ZFHX3: variants seen among roughly 807,000 people sequenced by gnomAD.
ZFHX3 encodes the protein zinc finger homeobox protein 3.
ZFHX3 carries 42 observed loss-of-function variants against 279.1 expected under a neutral mutation model. That is an observed-to-expected ratio of 0.15 (90% CI 0.12 to 0.19). The LOEUF (loss-of-function observed/expected upper bound fraction) is 0.19. ZFHX3 is among the 10% of genes least tolerant of loss of function. The pLI is 1.00. For missense variants in ZFHX3, 4,981 were observed against 4,754.0 expected (o/e 1.05, Z -1.40); for synonymous variants, 2,293 against 1,957.8 (o/e 1.17, Z -4.52).
intron 3 of ZFHX3, among the ~76,000 whole-genome samples, chr16:72,902,982 T>A (rs992722114): frequency 1.3e-5 from 2 of 152,102 alleles, no homozygotes; most frequent in Admixed American, 1.3e-4. Flanking sequence ...TCCTTCCAGA[T>A]GAGGATGTGG....
chr16:73,241,253 A>G (rs1251325568), intron 5 of ZFHX3, among the ~76,000 whole-genome samples: 3 of 152,348 alleles, frequency 2.0e-5, no homozygotes, highest in Middle Eastern at 6.8e-3. Context: ...TTTTTGAGTT[A>G]TACCATCATG....
intron 2 of ZFHX3, among the ~76,000 whole-genome samples, chr16:73,530,177 A>G (rs2019773603): frequency 1.3e-5 from 2 of 152,164 alleles, no homozygotes; most frequent in South Asian, 4.1e-4. Context: ...AAGAGAGAGA[A>G]TGAGAACCAA....
intron 1 of ZFHX3, among the ~76,000 whole-genome samples, chr16:73,682,999 G>GA (rs2053041780): frequency 2.4e-5 from 2 of 84,390 alleles, no homozygotes; most frequent in African/African-American, 3.1e-5. Flanking sequence ...AGAAAAGAAA[G>GA]AAAGAAAGAA....
At chr16:73,741,598 G>C (rs145682165) in intron 1 of ZFHX3, among the ~76,000 whole-genome samples, 4 of 152,174 alleles carry the variant, frequency 2.6e-5, no homozygotes, top group Non-Finnish European at 5.9e-5. Context: ...TCTTTCAACA[G>C]CCTTGGACTC....
intron 3 of ZFHX3, among the ~76,000 whole-genome samples, chr16:73,448,457 T>C (rs933370585): frequency 2.0e-5 from 3 of 151,838 alleles, no homozygotes; most frequent in African/African-American, 7.3e-5. Flanking sequence ...AACTAATAAA[T>C]AAATTAGCAC....
chr16:72,910,391 G>A (rs558218666), intron 3 of ZFHX3, among the ~76,000 whole-genome samples: 2 of 152,166 alleles, frequency 1.3e-5, no homozygotes, highest in Non-Finnish European at 2.9e-5. Flanking sequence ...AAGAGCTGAC[G>A]CTAGGACATC....
chr16:73,487,652 A>T (rs2018998023), intron 2 of ZFHX3: 2 of 237,106 alleles, frequency 8.4e-6, no homozygotes, highest in South Asian at 9.0e-5. Context: ...AGTGATACTC[A>T]CCTCAGCCTC....
intron 5 of ZFHX3, among the ~76,000 whole-genome samples, chr16:73,207,982 C>G (rs1189119571): frequency 6.6e-6 from 1 of 152,142 alleles, no homozygotes. Context: ...TGGAAGCTGT[C>G]ATTTTCCTCC....
At chr16:73,858,810 C>T (rs1462073327) in intron 1 of ZFHX3, among the ~76,000 whole-genome samples, 2 of 152,078 alleles carry the variant, frequency 1.3e-5, no homozygotes, top group African/African-American at 4.8e-5. Context: ...ATTCTTAGCA[C>T]CAAAATAATC....
chr16:73,214,404 G>A (rs529532955), intron 5 of ZFHX3, among the ~76,000 whole-genome samples: 2 of 152,030 alleles, frequency 1.3e-5, no homozygotes, highest in Middle Eastern at 6.8e-3. Flanking sequence ...GGTGACTTAC[G>A]GTGTGGCCTT....
At chr16:73,435,267 G>A (rs936555325) in intron 3 of ZFHX3, among the ~76,000 whole-genome samples, 1 of 152,128 alleles carries the variant, frequency 6.6e-6, no homozygotes, top group African/African-American at 2.4e-5. Flanking sequence ...GGAGTGCAGT[G>A]ATGCGATCTC....
At position 73,260,121 on chromosome 16, in the gene ZFHX3, C is replaced by T. The variant is rs1020060452; in HGVS notation, c.-1193-2985G>A. On this transcript the variant is annotated intron_variant, in intron 4 of 17. Coordinates refer to the ZFHX3 transcript ENST00000641206. The stretch of plus-strand genomic sequence containing the variant: ...TCAGGACCTTGACATTTTTGAAGAG[C>T]GCTGGTGAGTTATTTTGAAGAATAT... Among the ~76,000 whole-genome samples, 7 of 151,914 alleles carry T rather than the reference C, an allele frequency of 4.6e-5. No homozygotes were observed. The South Asian group carries it at 1.0e-3, about 23-fold the overall frequency.
In ZFHX3 at chr16:73,155,973, C is replaced by T. The variant is rs1039953665; in HGVS notation, c.-1103-12142G>A. On this transcript the variant is annotated intron_variant, in intron 5 of 17. Transcript: ENST00000641206. ...AGTGGTCGGGTGTGGTAGCTCACGC[C>T]TGTAATCTCAGCACTTTGGGAGGCC... Among the ~76,000 whole-genome samples, 94 of 152,130 alleles carry T rather than the reference C, an allele frequency of 6.2e-4. 1 individual carries two copies. Among genetic ancestry groups the T allele is most frequent in the African/African-American group, 2.0e-3 (83 of 41,506 alleles).
chr16:73,641,511 C>T (rs762368576), intron 2 of ZFHX3, among the ~76,000 whole-genome samples: 10 of 151,864 alleles, frequency 6.6e-5, no homozygotes, highest in African/African-American at 1.2e-4. Context: ...ATTAGGCAGG[C>T]GAAAAGATGT....
At chr16:72,931,018 C>T (rs2144293520) in intron 3 of ZFHX3, among the ~76,000 whole-genome samples, 1 of 152,276 alleles carries the variant, frequency 6.6e-6, no homozygotes, top group Middle Eastern at 3.4e-3. Context: ...ATGTTTATTG[C>T]CACTGATTTG....
At chr16:73,002,579 C>T (rs930460886) in intron 1 of ZFHX3, among the ~76,000 whole-genome samples, 1 of 152,152 alleles carries the variant, frequency 6.6e-6, no homozygotes, top group Non-Finnish European at 1.5e-5. Context: ...CAAAGGTGTT[C>T]TCAAGTACCC....
intron 2 of ZFHX3, among the ~76,000 whole-genome samples, chr16:73,578,449 A>G (rs570399712): frequency 6.6e-6 from 1 of 152,180 alleles, no homozygotes; most frequent in East Asian, 1.9e-4. Context: ...GAGCAAAGAA[A>G]TTCAGTTGTT....
In ZFHX3 at chr16:73,626,186, G is replaced by C. The variant is rs184309257; in HGVS notation, c.-1547+53994C>G. Among the ~76,000 whole-genome samples the C allele has an allele frequency of 6.8e-4, 103 of 152,210 alleles. 2 individuals carry two copies. The highest frequency in any genetic ancestry group is 3.4e-3 in the Middle Eastern group (1 of 294). ...AAAATTCTTAAAGGATATTAACATA[G>C]GACTACATAATAAATTTCACACATT... On this transcript the variant is annotated intron_variant, in intron 2 of 17. Coordinates refer to the ZFHX3 transcript ENST00000641206.
chr16:72,896,616 C>A (rs2038907237), intron 3 of ZFHX3, among the ~76,000 whole-genome samples: 5 of 152,194 alleles, frequency 3.3e-5, no homozygotes. Flanking sequence ...GAAAAGAGGG[C>A]TCTTGTTAGA....
Sources: allele counts gnomAD v4.1 joint callset (sites outside exome capture counted in the v4.1 genomes callset), GRCh38; gene constraint gnomAD v4.1.1; transcripts MANE v1.5; gene names NCBI Gene and HGNC (gene_info 2026-07-23, HGNC 2026-07-21).